The following TENM1 variants were observed in gnomAD, a reference collection of about 807,000 sequenced individuals.
The protein encoded by TENM1 is teneurin transmembrane protein 1, also known as teneurin-1.
Under a neutral mutation model 174.8 loss-of-function variants are expected in TENM1, and 35 were observed. The observed-to-expected ratio is 0.20, with a 90% CI of 0.15 to 0.27. The LOEUF is 0.27. Among genes scored for constraint, TENM1 ranks in the 10% least tolerant of loss-of-function variants. The probability of loss-of-function intolerance (pLI) is 1.00; values close to 1 mark genes in which losing one functional copy is unlikely to be tolerated. For synonymous variants in TENM1, 781 were observed against 798.7 expected, an observed-to-expected ratio of 0.98 and a Z score of 0.37; for missense variants, 1,633 against 2,130.1, an observed-to-expected ratio of 0.77 and a Z score of 4.59.
chrX:124,383,406 G>A (rs1203557310), intron 30 of TENM1, among the ~76,000 whole-genome samples: 2 of 111,975 alleles, frequency 1.8e-5, no homozygotes, highest in Non-Finnish European at 3.8e-5. Context: ...GCTTGTAAGA[G>A]TAAAACACAG....
chrX:124,583,963 A>G (rs1176655352), intron 11 of TENM1, among the ~76,000 whole-genome samples: 1 of 108,620 alleles, frequency 9.2e-6, no homozygotes, highest in African/African-American at 3.4e-5. Flanking sequence ...AATGAAATGA[A>G]GCGAGAAGGG....
At chrX:124,678,500 T>A (rs2148448854) in intron 5 of TENM1, among the ~76,000 whole-genome samples, 1 of 111,355 alleles carries the variant, frequency 9.0e-6, no homozygotes. Flanking sequence ...TATTATATAA[T>A]TTTAAAATAC....
chrX:124,533,445 C>T (rs2048146948), intron 15 of TENM1, among the ~76,000 whole-genome samples: 1 of 110,937 alleles, frequency 9.0e-6, no homozygotes, highest in South Asian at 3.8e-4. Context: ...TTGATATTAC[C>T]ACAGTCCTGC....
the TENM1 span, among the ~76,000 whole-genome samples, chrX:125,144,312 C>T: frequency 1.8e-5 from 2 of 111,555 alleles, no homozygotes; most frequent in Admixed American, 9.5e-5. Flanking sequence ...TAAATATCAC[C>T]CTTACCTCCT....
intron 3 of TENM1, among the ~76,000 whole-genome samples, chrX:124,780,854 A>C (rs2054891795): frequency 8.9e-6 from 1 of 111,758 alleles, no homozygotes; most frequent in South Asian, 3.8e-4. Flanking sequence ...ATCTCTTGCC[A>C]ACCCACTTTC....
chrX:124,908,845 G>T (rs745710615), intron 1 of TENM1, among the ~76,000 whole-genome samples: 2 of 109,752 alleles, frequency 1.8e-5, no homozygotes, highest in Non-Finnish European at 3.8e-5. Context: ...CTGAGAGAAA[G>T]GTTGTTATTA....
chrX:125,097,203 G>T, the TENM1 span, among the ~76,000 whole-genome samples: 1 of 111,420 alleles, frequency 9.0e-6, no homozygotes, highest in African/African-American at 3.3e-5. Context: ...GTGACCTCTC[G>T]CCTGAGAACA....
intron 1 of TENM1, among the ~76,000 whole-genome samples, chrX:124,937,762 A>T (rs2058267608): frequency 8.9e-6 from 1 of 112,058 alleles, no homozygotes; most frequent in Non-Finnish European, 1.9e-5. Context: ...ACTGCAAGGT[A>T]CATAAATAAT....
At chrX:124,851,902 G>GT (rs202129960) in intron 3 of TENM1, among the ~76,000 whole-genome samples, 1 of 111,196 alleles carries the variant, frequency 9.0e-6, no homozygotes, top group African/African-American at 3.3e-5. Flanking sequence ...ATGTAAATAT[G>GT]TTTTTTTCAT....
At chrX:124,390,806 C>A (rs1429787761) in intron 28 of TENM1, among the ~76,000 whole-genome samples, 1 of 112,385 alleles carries the variant, frequency 8.9e-6, no homozygotes, top group Non-Finnish European at 1.9e-5. Context: ...TCTGTAGGCA[C>A]TAGTCACACG....
At chrX:124,376,769 T>C (rs1011712883) in exon 32 of TENM1, 1 of 110,735 alleles carries the variant, frequency 9.0e-6, no homozygotes, top group Admixed American at 9.6e-5. Context: ...GCGCTTTTTT[T>C]GTTTTTTTTG....
chrX:124,708,406 A>G (rs1337743214), intron 4 of TENM1, among the ~76,000 whole-genome samples: 1 of 111,523 alleles, frequency 9.0e-6, no homozygotes, highest in Non-Finnish European at 1.9e-5. Context: ...TATGTATCAA[A>G]TGACTTTAAA....
At chrX:124,424,232 A>G (rs1325861390) in intron 23 of TENM1, among the ~76,000 whole-genome samples, 1 of 112,659 alleles carries the variant, frequency 8.9e-6, no homozygotes, top group Non-Finnish European at 1.9e-5. Context: ...CCCAAATATC[A>G]TGTGTTGGAA....
chrX:124,524,368 A>C (rs1358604040), intron 16 of TENM1, among the ~76,000 whole-genome samples: 2 of 112,265 alleles, frequency 1.8e-5, no homozygotes, highest in African/African-American at 6.5e-5. Flanking sequence ...TAAGAAAAGT[A>C]AGGAGCCAAA....
At chrX:124,561,773 C>A (rs747214536) in exon 14 of TENM1, 1 of 1,211,255 alleles carries the variant, frequency 8.3e-7, no homozygotes, top group Non-Finnish European at 1.1e-6. Context: ...CCATTTTGAT[C>A]CAGGGTACAT....
At chrX:124,516,158 T>C (rs1257894267) in intron 18 of TENM1, among the ~76,000 whole-genome samples, 1 of 111,755 alleles carries the variant, frequency 8.9e-6, no homozygotes, top group Non-Finnish European at 1.9e-5. Context: ...ATACAGGAGA[T>C]TGAAACTGGA....
At chrX:124,901,677 C>A (rs1279134001) in intron 1 of TENM1, among the ~76,000 whole-genome samples, 2 of 110,978 alleles carry the variant, frequency 1.8e-5, no homozygotes, top group African/African-American at 6.6e-5. Flanking sequence ...GAGCTCCCCC[C>A]AGTGTTGCCC....
exon 32 of TENM1, chrX:124,377,309 A>ATT (rs1318837913): frequency 9.0e-6 from 1 of 110,926 alleles, no homozygotes; most frequent in East Asian, 2.8e-4. Context: ...TGTTGTATAT[A>ATT]TTATATATAT....
At chrX:124,703,553 T>G (rs2052825606) in intron 5 of TENM1, among the ~76,000 whole-genome samples, 1 of 111,992 alleles carries the variant, frequency 8.9e-6, no homozygotes, top group Admixed American at 9.5e-5. Flanking sequence ...AAACATTATC[T>G]CTCTATATAG....
Sources: gnomAD v4.1 joint callset for allele counts (sites outside exome capture counted in the v4.1 genomes callset) on GRCh38, gnomAD v4.1.1 for gene constraint, MANE v1.5 for transcripts, NCBI Gene and HGNC (gene_info 2026-07-23, HGNC 2026-07-21) for gene names.